DENND2C: variants seen among roughly 807,000 people sequenced by gnomAD.
DENND2C encodes DENN domain-containing protein 2C.
In DENND2C, 72 loss-of-function variants were observed where a neutral mutation model predicts 112.4. The observed-to-expected ratio is 0.64, with a 90% CI of 0.53 to 0.78. The LOEUF is 0.78. Ranked by LOEUF, DENND2C falls within the 30% of genes least tolerant of loss-of-function variation. DENND2C has a pLI of 0.00. For synonymous variants in DENND2C, 329 were observed against 381.6 expected (o/e 0.86, Z 1.61); for missense variants, 992 against 1,113.8 (o/e 0.89, Z 1.56).
In DENND2C at chr1:114,584,235, TTTAAC is replaced by T. The variant is rs532143971; in HGVS notation, c.*1360_*1364del. 9.3e-4 allele frequency: 141 copies of T among 152,324 alleles called. 1 individual carries two copies. The highest frequency in any genetic ancestry group is 3.4e-3 in the Middle Eastern group (1 of 292). The allele number at this position is 152,324 out of a possible 1,614,324, so 9.4% of individuals were successfully genotyped here. ...GTGTTGTACAACTTTGGGCAACGTA[TTTAAC>T]TTCTTTGAATTTGTTTTTTTCTTTT... On this transcript the variant is annotated 3_prime_UTR_variant, in exon 21 of 21. Coordinates refer to ENST00000393274, the MANE Select transcript of DENND2C (RefSeq NM_001256404.2).
intron 18 of DENND2C, among the ~76,000 whole-genome samples, chr1:114,593,718 A>G (rs1327779394): frequency 6.6e-6 from 1 of 152,160 alleles, no homozygotes; most frequent in Non-Finnish European, 1.5e-5. Flanking sequence ...GGCTGCAGTG[A>G]GCTATAATTG....
intron 7 of DENND2C, among the ~76,000 whole-genome samples, chr1:114,619,401 A>C (rs2101661872): frequency 6.6e-6 from 1 of 152,354 alleles, no homozygotes; most frequent in African/African-American, 2.4e-5. Context: ...ATATATGATA[A>C]CAACCAATAA....
chr1:114,660,515 C>T (rs1225761556), intron 1 of DENND2C, among the ~76,000 whole-genome samples: 1 of 152,140 alleles, frequency 6.6e-6, no homozygotes, highest in East Asian at 1.9e-4. Context: ...GTTTTGACTA[C>T]TGGCTGTAAG....
At position 114,661,151 on chromosome 1, in the gene DENND2C, T is replaced by C. The variant is rs1185499897; in HGVS notation, c.-573-6390A>G. On this transcript the variant is annotated intron_variant, in intron 1 of 20. Transcript: ENST00000393274. Reference sequence around the variant, plus strand: ...AGAAAAGAAAATCCTCCTTATTATCTTCACTACCTAAAAGCACAGTACAAC... The same window carrying C: ...AGAAAAGAAAATCCTCCTTATTATCCTCACTACCTAAAAGCACAGTACAAC... 2.0e-5 allele frequency among the ~76,000 whole-genome samples: 3 copies of C among 151,584 alleles called. No individual in the cohort carries two copies. The East Asian group carries it at 5.8e-4, about 29-fold the overall frequency.
Position 114,625,690 on chromosome 1 carries a change from T to G in DENND2C, c.295A>C (p.Lys99Gln). The change falls in exon 4 of 21, where the codon AAA becomes CAA. Residue 99 changes from lysine (K) to glutamine (Q), a missense_variant. Transcript: ENST00000393274. The part of the protein sequence containing the change: ...SHDQSENENK[K>Q]HEYDDTHFFK... ...AAGTGTGTATCGTCATATTCATGTT[T>G]CTTATTTTCATTCTCACTTTGATCA... 6.2e-7 allele frequency: 1 copy of G among 1,614,100 alleles called. No homozygotes were observed. The highest frequency in any genetic ancestry group is 2.2e-5 in the East Asian group (1 of 44,874).
chr1:114,609,076 G>A (rs1367352338), intron 9 of DENND2C, among the ~76,000 whole-genome samples: 1 of 152,198 alleles, frequency 6.6e-6, no homozygotes, highest in Non-Finnish European at 1.5e-5. Flanking sequence ...CAAGTGTGCA[G>A]GGGCCTCACT....
In DENND2C at chr1:114,621,520, C is replaced by T. The variant is rs80016257; in HGVS notation, c.1227+375G>A. Among the ~76,000 whole-genome samples the T allele has an allele frequency of 1.5e-3, 224 of 152,238 alleles. 1 individual carries two copies. The highest frequency in any genetic ancestry group is 5.1e-3 in the African/African-American group (210 of 41,540). On this transcript the variant is annotated intron_variant, in intron 7 of 20. Transcript: ENST00000393274. The stretch of plus-strand genomic sequence containing the variant: ...TACTGAAAATCTGTAAACTCAAGCA[C>T]AAAACTGAACTCACTTTGGCAATCA...
intron 3 of DENND2C, among the ~76,000 whole-genome samples, chr1:114,643,306 G>A (rs1435461093): frequency 6.6e-6 from 1 of 152,108 alleles, no homozygotes; most frequent in African/African-American, 2.4e-5. Context: ...TGCACTGTTC[G>A]CATTATTTGG....
chr1:114,600,378 T>G (rs1262010480), intron 14 of DENND2C, 26 bp from the exon 15 acceptor site: 1 of 1,612,936 alleles, frequency 6.2e-7, no homozygotes, highest in Non-Finnish European at 8.5e-7. Flanking sequence ...TTGAATCAGG[T>G]GAGCTAATGT....
At chr1:114,620,178 A>G (rs563434615) in intron 7 of DENND2C, among the ~76,000 whole-genome samples, 1 of 152,296 alleles carries the variant, frequency 6.6e-6, no homozygotes, top group African/African-American at 2.4e-5. Context: ...TCTAGAAGAT[A>G]CTCCAAAGCC....
chr1:114,611,022 C>T (rs1177907956), intron 9 of DENND2C, 51 bp downstream of exon 9: 2 of 1,608,178 alleles, frequency 1.2e-6, no homozygotes, highest in Non-Finnish European at 8.5e-7. Context: ...TGCCACTCCA[C>T]CTAACCCATG....
intron 2 of DENND2C, among the ~76,000 whole-genome samples, chr1:114,649,492 T>TGCCTCC (rs1347736341): frequency 1.3e-5 from 2 of 151,944 alleles, no homozygotes; most frequent in African/African-American, 4.8e-5. Context: ...CTCCTGCCTC[T>TGCCTCC]GCCTCCCAAG....
chr1:114,610,865 T>C (rs909711297), intron 9 of DENND2C, among the ~76,000 whole-genome samples: 1 of 152,178 alleles, frequency 6.6e-6, no homozygotes, highest in African/African-American at 2.4e-5. Flanking sequence ...CACTCCACTA[T>C]GGGAGACTTT....
chr1:114,635,003 G>GAGTGA (rs1656612825), intron 3 of DENND2C, among the ~76,000 whole-genome samples: 2 of 142,944 alleles, frequency 1.4e-5, no homozygotes, highest in Non-Finnish European at 3.0e-5. Flanking sequence ...ACTCCAGCCT[G>GAGTGA]AGTGATAGAG....
chr1:114,585,555 T>C lies in DENND2C; in HGVS notation c.*45A>G. On this transcript the variant is annotated 3_prime_UTR_variant, in exon 21 of 21. Coordinates refer to ENST00000393274, the MANE Select transcript of DENND2C (RefSeq NM_001256404.2). ...CCTGACCCTTAGAAAAATATTTTCT[T>C]TGGCACTTTCTGTTGTATATTCAGG... 6.2e-7 allele frequency: 1 copy of C among 1,602,996 alleles called. No homozygotes were observed. The highest frequency in any genetic ancestry group is 8.5e-7 in the Non-Finnish European group (1 of 1,172,218).
At chr1:114,634,562 T>A (rs1213902001) in intron 3 of DENND2C, among the ~76,000 whole-genome samples, 1 of 152,092 alleles carries the variant, frequency 6.6e-6, no homozygotes, top group South Asian at 2.1e-4. Context: ...TAAGACTCAA[T>A]AAATTTTAAA....
intron 3 of DENND2C, among the ~76,000 whole-genome samples, chr1:114,632,544 T>G (rs990986240): frequency 9.2e-5 from 14 of 152,150 alleles, no homozygotes; most frequent in Non-Finnish European, 2.9e-5. Flanking sequence ...GAAATAAAAA[T>G]GCTTTCAGTT....
chr1:114,625,582 C>T lies in DENND2C; in HGVS notation c.403G>A (p.Glu135Lys). The stretch of plus-strand genomic sequence containing the variant: ...AAGTTTCCTGGAGGTAATGAAGTCT[C>T]TGGATCTAAGACATCTTCTTTACAG... ...ESCKEDVLDPETSLPPGNFYT... is the reference protein window; with the variant it reads ...ESCKEDVLDPKTSLPPGNFYT... Residue 135 changes from glutamate to lysine, a missense_variant, in exon 4 of 21, where the codon GAG becomes AAG. Glu to Lys is a moderately conservative substitution (Grantham distance 56). This residue lies in a region of DENND2C where 470 missense variants were observed against 472.7 expected (regional missense o/e 0.99). Transcript: ENST00000393274. The T allele has an allele frequency of 1.2e-6, 2 of 1,614,134 alleles. No homozygotes were observed. The highest frequency in any genetic ancestry group is 1.3e-5 in the African/African-American group (1 of 75,048).
intron 8 of DENND2C, among the ~76,000 whole-genome samples, chr1:114,614,784 G>A (rs1403872478): frequency 6.6e-6 from 1 of 152,064 alleles, no homozygotes; most frequent in Admixed American, 6.6e-5. Context: ...AGGCCGAGGC[G>A]GGTGGATCAC....
Sources: allele counts gnomAD v4.1 joint callset (sites outside exome capture counted in the v4.1 genomes callset), GRCh38; gene constraint gnomAD v4.1.1; regional missense constraint gnomAD v4.1.1; transcripts MANE v1.5; gene names NCBI Gene and HGNC (gene_info 2026-07-23, HGNC 2026-07-21).